UBTD2: variants seen among roughly 807,000 people sequenced by gnomAD.
UBTD2 encodes ubiquitin domain-containing protein 2.
UBTD2 carries 9 observed loss-of-function variants against 19.8 expected under a neutral mutation model. The ratio of observed to expected loss-of-function variants is 0.46; its 90% CI spans 0.27 to 0.79. The LOEUF (loss-of-function observed/expected upper bound fraction) is 0.79, where lower values mean the gene tolerates loss of function less well. UBTD2 is among the 30% of genes least tolerant of loss of function. The pLI is 0.14. For missense variants in UBTD2, 250 were observed against 300.4 expected, an observed-to-expected ratio of 0.83 and a Z score of 1.24; for synonymous variants, 98 against 103.9, an observed-to-expected ratio of 0.94 and a Z score of 0.35.
At chr5:172,276,233 G>C (rs1158336500) in intron 1 of UBTD2, among the ~76,000 whole-genome samples, 3 of 146,566 alleles carry the variant, frequency 2.0e-5, no homozygotes, top group Non-Finnish European at 4.5e-5. Flanking sequence ...TGTAATCCCA[G>C]TAACTAGTAC....
chr5:172,268,223 G>C (rs1388684663), intron 1 of UBTD2, among the ~76,000 whole-genome samples: 1 of 151,994 alleles, frequency 6.6e-6, no homozygotes, highest in Non-Finnish European at 1.5e-5. Context: ...ATAGTACTAA[G>C]GAAGTTCAGA....
chr5:172,248,601 A>G (rs114538466), intron 1 of UBTD2, among the ~76,000 whole-genome samples: 2,283 of 151,326 alleles, frequency 0.015, 61 homozygotes, highest in African/African-American at 0.053. Flanking sequence ...AAAAAAAAAC[A>G]ACCCACAAAA....
rs947428923 is a variant in UBTD2 at position 172,283,204 on chromosome 5, G to A, written c.70+392C>T. On this transcript the variant is annotated intron_variant, in intron 1 of 2. Coordinates refer to ENST00000393792, the MANE Select transcript of UBTD2 (RefSeq NM_152277.3). This position sits in a 1 kb window ranked among gnomAD's most constrained non-coding sequence, Gnocchi z 4.3. ...GAAAGATGTGGCGGGGCCCGTCGGAGGGAACGCATCAAGCTCCCTCCCCCC... is the reference window on the plus strand; with the variant it reads ...GAAAGATGTGGCGGGGCCCGTCGGAAGGAACGCATCAAGCTCCCTCCCCCC... Among the ~76,000 whole-genome samples the A allele has an allele frequency of 3.9e-4, 59 of 152,164 alleles. No homozygotes were observed. The highest frequency in any genetic ancestry group is 2.6e-4 in the Admixed American group (4 of 15,278).
At chr5:172,230,730 T>C (rs935656521) in intron 2 of UBTD2, among the ~76,000 whole-genome samples, 14 of 151,916 alleles carry the variant, frequency 9.2e-5, no homozygotes, top group African/African-American at 3.4e-4. Flanking sequence ...TGCTTTGGGA[T>C]ATTTAAGGGG....
intron 1 of UBTD2, chr5:172,255,449 C>T (rs13161336): frequency 2.1e-6 from 1 of 466,274 alleles, no homozygotes. Flanking sequence ...TTTAAACCTT[C>T]TAGGGTGCTC....
chr5:172,235,393 C>CTTTA (rs1771987546), intron 1 of UBTD2, among the ~76,000 whole-genome samples: 1 of 152,146 alleles, frequency 6.6e-6, no homozygotes, highest in Non-Finnish European at 1.5e-5. Flanking sequence ...ACTCTCTGGA[C>CTTTA]TTTAGTCAAG....
chr5:172,268,844 AT>A (rs1195573488), intron 1 of UBTD2, among the ~76,000 whole-genome samples: 1 of 152,142 alleles, frequency 6.6e-6, no homozygotes, highest in African/African-American at 2.4e-5. Flanking sequence ...ATAAGATCTG[AT>A]TTTGGGGAAA....
intron 2 of UBTD2, among the ~76,000 whole-genome samples, chr5:172,217,082 A>G (rs992817506): frequency 6.6e-6 from 1 of 152,008 alleles, no homozygotes; most frequent in African/African-American, 2.4e-5. Flanking sequence ...AAAACCACCA[A>G]CCTATAATTC....
intron 1 of UBTD2, among the ~76,000 whole-genome samples, chr5:172,240,018 A>G (rs1772094739): frequency 6.6e-6 from 1 of 152,228 alleles, no homozygotes; most frequent in East Asian, 1.9e-4. Context: ...ACCAATAACG[A>G]AGATTCACTC....
intron 1 of UBTD2, among the ~76,000 whole-genome samples, chr5:172,278,343 C>A (rs1401204860): frequency 6.6e-6 from 1 of 151,938 alleles, no homozygotes; most frequent in Non-Finnish European, 1.5e-5. Flanking sequence ...CATGGTGAAA[C>A]CCCGTCTCTA....
intron 2 of UBTD2, among the ~76,000 whole-genome samples, chr5:172,214,884 A>G (rs1771513765): frequency 6.6e-6 from 1 of 152,184 alleles, no homozygotes; most frequent in Non-Finnish European, 1.5e-5. Context: ...AGAAGTCACC[A>G]CTCCATCCTA....
intron 1 of UBTD2, among the ~76,000 whole-genome samples, chr5:172,256,153 C>T (rs960836288): frequency 7.9e-5 from 12 of 151,924 alleles, no homozygotes; most frequent in Admixed American, 4.6e-4. Context: ...ACTGATAATC[C>T]GTCCTATAAT....
At chr5:172,250,368 T>A (rs1754976892) in intron 1 of UBTD2, among the ~76,000 whole-genome samples, 1 of 152,230 alleles carries the variant, frequency 6.6e-6, no homozygotes, top group South Asian at 2.1e-4. Context: ...AAAGTTAACA[T>A]CACCAATAAT....
chr5:172,222,358 T>G (rs898058573), intron 2 of UBTD2, among the ~76,000 whole-genome samples: 1 of 152,200 alleles, frequency 6.6e-6, no homozygotes, highest in Admixed American at 6.5e-5. Context: ...AGGAAACAAT[T>G]CTTACATTCT....
intron 1 of UBTD2, among the ~76,000 whole-genome samples, chr5:172,253,445 T>G (rs1755068606): frequency 6.9e-6 from 1 of 145,466 alleles, no homozygotes; most frequent in Admixed American, 7.3e-5. Context: ...ATTGTCAATA[T>G]CAACCCTATC....
chr5:172,237,327 C>G (rs1772032477), intron 1 of UBTD2, among the ~76,000 whole-genome samples: 1 of 152,132 alleles, frequency 6.6e-6, no homozygotes, highest in Non-Finnish European at 1.5e-5. Flanking sequence ...TTCTTGACTT[C>G]ATGATCCGCC....
Position 172,250,842 on chromosome 5 carries a change from TG to T in UBTD2, c.71-16485del, listed in dbSNP as rs948822119. On this transcript the variant is annotated intron_variant, in intron 1 of 2. Coordinates refer to ENST00000393792, the MANE Select transcript of UBTD2 (RefSeq NM_152277.3). ...CAGCTACTCAGGAGGCTGAGGTGGGTGGATCACCCGAGCTCAGGAAGGTCGA... is the reference window on the plus strand; with the variant it reads ...CAGCTACTCAGGAGGCTGAGGTGGGTGATCACCCGAGCTCAGGAAGGTCGA... Among the ~76,000 whole-genome samples, 3 of 135,886 alleles carry T rather than the reference TG, an allele frequency of 2.2e-5. No homozygotes were observed. The Admixed American group carries it at 2.5e-4, about 11-fold the overall frequency. The allele number at this position is 135,886 out of a possible 152,430, so 89.1% of individuals were successfully genotyped here.
rs1348343184 is a variant in UBTD2 at position 172,283,498 on chromosome 5, G to A, written c.70+98C>T. 5 of 969,504 alleles carry A rather than the reference G, an allele frequency of 5.2e-6. No individual in the cohort carries two copies. Among genetic ancestry groups the A allele is most frequent in the Non-Finnish European group, 4.0e-6 (3 of 749,466 alleles). 60.1% of individuals were successfully genotyped at this position (969,504 alleles called of 1,614,324 possible). A position where few individuals can be genotyped will look rare whatever the true frequency, so the allele number is the denominator to read the frequency against. ...GACGTGGAAGAGGGGATGACAAAGGGGCGCGGGGGCCCGGCGCGGCCCGCG... is the reference window on the plus strand; with the variant it reads ...GACGTGGAAGAGGGGATGACAAAGGAGCGCGGGGGCCCGGCGCGGCCCGCG... On this transcript the variant is annotated intron_variant, in intron 1 of 2. Coordinates refer to ENST00000393792, the MANE Select transcript of UBTD2 (RefSeq NM_152277.3). This position sits in a 1 kb window ranked among gnomAD's most constrained non-coding sequence, Gnocchi z 4.3.
chr5:172,251,952 ATC>A (rs1488289147), intron 1 of UBTD2, among the ~76,000 whole-genome samples: 2 of 152,236 alleles, frequency 1.3e-5, no homozygotes, highest in African/African-American at 2.4e-5. Context: ...TGACAATAAT[ATC>A]TGTTTCATAG....
Sources: allele counts gnomAD v4.1 joint callset (sites outside exome capture counted in the v4.1 genomes callset), GRCh38; gene constraint gnomAD v4.1.1; non-coding constraint Gnocchi (gnomAD v3.1); transcripts MANE v1.5; gene names NCBI Gene and HGNC (gene_info 2026-07-23, HGNC 2026-07-21).